The following ALMS1 variants were observed in gnomAD, a reference collection of about 807,000 sequenced individuals.
ALMS1 encodes the protein centrosome-associated protein ALMS1.
ALMS1 carries 271 observed loss-of-function variants against 352.2 expected under a neutral mutation model. The observed-to-expected ratio is 0.77, with a 90% CI of 0.70 to 0.85. The LOEUF (loss-of-function observed/expected upper bound fraction) is 0.85, where lower values mean the gene tolerates loss of function less well. ALMS1 is among the 40% of genes least tolerant of loss of function. ALMS1 has a pLI of 0.00. For missense variants in ALMS1, 5,445 were observed against 4,870.7 expected (o/e 1.12, Z -3.51); for synonymous variants, 1,865 against 1,761.2 (o/e 1.06, Z -1.48).
chr2:73,606,683 A>G (rs1454917455), intron 21 of ALMS1, among the ~76,000 whole-genome samples: 1 of 152,030 alleles, frequency 6.6e-6, no homozygotes, highest in Non-Finnish European at 1.5e-5. Flanking sequence ...CTTCAATATC[A>G]TCTAGTAACT....
intron 9 of ALMS1, among the ~76,000 whole-genome samples, chr2:73,466,761 A>T (rs1306646161): frequency 1.3e-5 from 2 of 152,180 alleles, no homozygotes; most frequent in Non-Finnish European, 2.9e-5. Flanking sequence ...ATGTGGATAA[A>T]TAAAGCTAAA....
chr2:73,543,167 G>T (rs529255208), intron 12 of ALMS1, among the ~76,000 whole-genome samples: 1 of 152,126 alleles, frequency 6.6e-6, no homozygotes, highest in Admixed American at 6.5e-5. Flanking sequence ...CCAAAACAGA[G>T]ATATAGACCA....
At chr2:73,425,582 C>T (rs1286716980) in intron 5 of ALMS1, among the ~76,000 whole-genome samples, 1 of 152,058 alleles carries the variant, frequency 6.6e-6, no homozygotes, top group Non-Finnish European at 1.5e-5. Context: ...AAAATATAGC[C>T]TTTGAGGCAG....
At chr2:73,534,262 A>C (rs892974551) in intron 11 of ALMS1, among the ~76,000 whole-genome samples, 2 of 152,166 alleles carry the variant, frequency 1.3e-5, no homozygotes, top group African/African-American at 4.8e-5. Context: ...TTACGTTTAT[A>C]TATTTTCTTA....
In ALMS1 at chr2:73,491,093, C is replaced by T. The variant is rs1264852936; in HGVS notation, c.9134C>T (p.Ser3045Phe). ...STPPSNRKAL[S>F]CVHITLCPKT... Reference sequence around the variant, plus strand: ...CCTCCTTCAAATAGAAAAGCACTTTCTTGTGTTCATATAACTCTTTGTCCC... The same window carrying T: ...CCTCCTTCAAATAGAAAAGCACTTTTTTGTGTTCATATAACTCTTTGTCCC... Residue 3045 changes from serine to phenylalanine, a missense_variant, in exon 10 of 23, where the codon TCT (serine) becomes TTT (phenylalanine). By Grantham distance (155) the Ser-to-Phe change is radical. Coordinates refer to ENST00000613296, the MANE Select transcript of ALMS1 (RefSeq NM_001378454.1). The T allele has an allele frequency of 6.2e-7, 1 of 1,614,176 alleles. No individual in the cohort carries two copies.
At chr2:73,454,689 A>T (rs930592059) in intron 8 of ALMS1, among the ~76,000 whole-genome samples, 1 of 152,208 alleles carries the variant, frequency 6.6e-6, no homozygotes, top group Admixed American at 6.5e-5. Flanking sequence ...AATATGGGGA[A>T]TATATTTTGG....
intron 16 of ALMS1, among the ~76,000 whole-genome samples, chr2:73,597,965 A>G (rs553061586): frequency 6.6e-6 from 1 of 152,284 alleles, no homozygotes; most frequent in South Asian, 2.1e-4. Context: ...TTCCATATCT[A>G]AGACATTTAT....
chr2:73,525,088 T>C (rs1673761548), intron 11 of ALMS1, among the ~76,000 whole-genome samples: 2 of 152,242 alleles, frequency 1.3e-5, no homozygotes, highest in South Asian at 4.1e-4. Flanking sequence ...TTTTTTTGGC[T>C]AAATAGTATT....
rs1671996185 is a variant in ALMS1, at chr2:73,453,569, A to G, written c.7042A>G (p.Ile2348Val). 1.9e-6 allele frequency: 3 copies of G among 1,613,834 alleles called. No individual in the cohort carries two copies. The highest frequency in any genetic ancestry group is 1.6e-4 in the Middle Eastern group (1 of 6,084). ...TQTNLKCRRG[I>V]ENWEFISSTT... Reference sequence around the variant, plus strand: ...GACGAATTTGAAATGCCGGAGAGGCATTGAAAATTGGGAGTTTATTAGTTC... The same window carrying G: ...GACGAATTTGAAATGCCGGAGAGGCGTTGAAAATTGGGAGTTTATTAGTTC... The change falls in exon 8 of 23, where the codon ATT becomes GTT. Residue 2348 changes from isoleucine (I) to valine (V), a missense_variant. Transcript: ENST00000613296.
chr2:73,408,710 T>C lies in ALMS1; in HGVS notation c.413T>C (p.Leu138Ser). The change falls in exon 2 of 23, where the codon TTG (leucine) becomes TCG (serine). Residue 138 changes from leucine (L) to serine (S), a missense_variant. Transcript: ENST00000613296. Reference sequence around the variant, plus strand: ...ATTTCTGATACTAATGTGGTCTGTTTGGAAACAACAGCTCAGCGGGGTTCT... The same window carrying C: ...ATTTCTGATACTAATGTGGTCTGTTCGGAAACAACAGCTCAGCGGGGTTCT... ...TQISDTNVVC[L>S]ETTAQRGSGD... The C allele has an allele frequency of 6.2e-7, 1 of 1,613,536 alleles. No homozygotes were observed. The highest frequency in any genetic ancestry group is 8.5e-7 in the Non-Finnish European group (1 of 1,179,802).
chr2:73,528,705 A>G (rs1353569696), intron 11 of ALMS1, among the ~76,000 whole-genome samples: 5 of 151,876 alleles, frequency 3.3e-5, no homozygotes, highest in African/African-American at 1.2e-4. Flanking sequence ...TTTGGATAGG[A>G]GGATTTAGTC....
intron 11 of ALMS1, among the ~76,000 whole-genome samples, chr2:73,534,571 T>C (rs545859328): frequency 1.3e-5 from 2 of 152,316 alleles, no homozygotes; most frequent in South Asian, 2.1e-4. Context: ...TCAGCATTTC[T>C]ATATTTTCCC....
intron 13 of ALMS1, among the ~76,000 whole-genome samples, chr2:73,551,425 C>CT (rs372741747): frequency 0.019 from 1,381 of 73,666 alleles, 170 homozygotes; most frequent in African/African-American, 0.035. Flanking sequence ...GAGTTTCAAT[C>CT]TTTTTTTTTT....
chr2:73,395,079 T>TA (rs1491525344), intron 1 of ALMS1, among the ~76,000 whole-genome samples: 1,622 of 84,238 alleles, frequency 0.019, 36 homozygotes, highest in East Asian at 0.037. Flanking sequence ...TATATATATA[T>TA]TTTTTTTTTT....
intron 12 of ALMS1, among the ~76,000 whole-genome samples, 196 bp from the exon 13 acceptor site, chr2:73,550,071 G>T (rs568715390): frequency 6.6e-6 from 1 of 152,264 alleles, no homozygotes; most frequent in East Asian, 1.9e-4. Context: ...TCTTGGCCAG[G>T]CTGGTCTTGA....
intron 1 of ALMS1, among the ~76,000 whole-genome samples, chr2:73,386,407 G>T (rs1264624239): frequency 6.6e-6 from 1 of 152,192 alleles, no homozygotes; most frequent in East Asian, 1.9e-4. Context: ...CCCCCTCGGT[G>T]GGTCCTGGGC....
chr2:73,393,783 A>C (rs185746155), intron 1 of ALMS1, among the ~76,000 whole-genome samples: 1 of 149,660 alleles, frequency 6.7e-6, no homozygotes, highest in Non-Finnish European at 1.5e-5. Context: ...ATTCTATTTC[A>C]TTGATCTATA....
Position 73,452,648 on chromosome 2 carries a change from C to G in ALMS1, c.6121C>G (p.Gln2041Glu), listed in dbSNP as rs780824087. Reference sequence around the variant, plus strand: ...ACCAAATGACCAGAAGACTCCATCCCAGACAGCTTTTCATAGTTCCTATTC... The same window carrying G: ...ACCAAATGACCAGAAGACTCCATCCGAGACAGCTTTTCATAGTTCCTATTC... ...IGPNDQKTPSQTAFHSSYSQT... is the reference protein window; with the variant it reads ...IGPNDQKTPSETAFHSSYSQT... Residue 2041 changes from glutamine to glutamate, a missense_variant, in exon 8 of 23, where the codon CAG (glutamine) becomes GAG (glutamate). Gln to Glu is a conservative substitution (Grantham distance 29). Transcript: ENST00000613296. 19 of 1,613,886 alleles carry G rather than the reference C, an allele frequency of 1.2e-5. No individual in the cohort carries two copies. Among genetic ancestry groups the G allele is most frequent in the Admixed American group, 1.7e-5 (1 of 59,998 alleles).
chr2:73,601,226 G>A lies in ALMS1; in HGVS notation c.11904G>A (p.Val3968=). 2 of 1,614,198 alleles carry A rather than the reference G, an allele frequency of 1.2e-6. No individual in the cohort carries two copies. Among genetic ancestry groups the A allele is most frequent in the Non-Finnish European group, 1.7e-6 (2 of 1,180,034 alleles). The part of the protein sequence containing the change: ...GVSWFVPVEN[V]ESRSKKENVP... ...CCTGGTTTGTTCCTGTGGAAAATGT[G>A]GAGTCTAGATCAAAGAAGGAAAACG... The change falls in exon 19 of 23, where the codon GTG becomes GTA. Residue 3968 remains valine, a synonymous_variant. Transcript: ENST00000613296.
Sources: allele counts gnomAD v4.1 joint callset (sites outside exome capture counted in the v4.1 genomes callset), GRCh38; gene constraint gnomAD v4.1.1; transcripts MANE v1.5; gene names NCBI Gene and HGNC (gene_info 2026-07-23, HGNC 2026-07-21).